Variants in OXNAD1 observed in about 807,000 individuals in gnomAD.
The protein encoded by OXNAD1 is oxidoreductase NAD binding domain containing 1, also known as oxidoreductase NAD-binding domain-containing protein 1.
In OXNAD1, 34 loss-of-function variants were observed where a neutral mutation model predicts 32.9. That is an observed-to-expected ratio of 1.03 (90% CI 0.79 to 1.38). The LOEUF is 1.38. OXNAD1 is among the 40% of genes most tolerant of loss of function. OXNAD1 has a pLI of 0.00. For synonymous variants in OXNAD1, 134 were observed against 135.2 expected, an observed-to-expected ratio of 0.99 and a Z score of 0.06; for missense variants, 407 against 379.4, an observed-to-expected ratio of 1.07 and a Z score of -0.60.
downstream of OXNAD1, among the ~76,000 whole-genome samples, chr3:16,351,295 C>T (rs2072085713): frequency 6.6e-6 from 1 of 152,144 alleles, no homozygotes; most frequent in Non-Finnish European, 1.5e-5. This position sits in a 1 kb window ranked among gnomAD's most constrained non-coding sequence, Gnocchi z 5.4. Flanking sequence ...CCATTGAGAC[C>T]AGTCAGGAGC....
At position 16,348,847 on chromosome 3, in the gene OXNAD1, C is replaced by G. The variant is rs1273223544; in HGVS notation, c.*31-329C>G. 2.0e-5 allele frequency among the ~76,000 whole-genome samples: 3 copies of G among 152,164 alleles called. No homozygotes were observed. The highest frequency in any genetic ancestry group is 4.8e-5 in the African/African-American group (2 of 41,420). ...GGAAGCAGGAGGACTGGTTTTGGTC[C>G]AATAGCCCATCATCTCTGTGTCCTG... On this transcript the variant is annotated intron_variant, in intron 9 of 9. Transcript: ENST00000606098. This position sits in a 1 kb window ranked among gnomAD's most constrained non-coding sequence, Gnocchi z 6.3.
Position 16,301,606 on chromosome 3 carries a change from T to G in OXNAD1, c.433-20T>G, listed in dbSNP as rs1320562386. ...ACCTTTGCTACAAAAGACTAAAAGG[T>G]CTTTTCTTTCCTGCCTTAGTGTACA... On this transcript the variant is annotated intron_variant, in intron 6 of 8. Transcript: ENST00000285083. This position sits in a 1 kb window ranked among gnomAD's most constrained non-coding sequence, Gnocchi z 4.1. The G allele has an allele frequency of 1.2e-6, 2 of 1,612,938 alleles. No homozygotes were observed. Among genetic ancestry groups the G allele is most frequent in the Non-Finnish European group, 1.7e-6 (2 of 1,179,348 alleles).
intron 1 of OXNAD1, among the ~76,000 whole-genome samples, chr3:16,268,432 C>T (rs1241935890): frequency 2.1e-5 from 3 of 142,588 alleles, no homozygotes; most frequent in South Asian, 4.6e-4. Flanking sequence ...CAGGTTCAAG[C>T]GATTCTCTTG....
chr3:16,328,995 A>G (rs1340361940), intron 9 of OXNAD1, among the ~76,000 whole-genome samples: 1 of 152,256 alleles, frequency 6.6e-6, no homozygotes, highest in Non-Finnish European at 1.5e-5. Context: ...TGTATCCCCC[A>G]AAAAGTTTCC....
rs750452152 is a variant in OXNAD1 at position 16,327,209 on chromosome 3, G to A, written c.*31-9903G>A. Among the ~76,000 whole-genome samples the A allele has an allele frequency of 4.6e-5, 7 of 152,166 alleles. No homozygotes were observed. Among genetic ancestry groups the A allele is most frequent in the Non-Finnish European group, 8.8e-5 (6 of 68,032 alleles). On this transcript the variant is annotated intron_variant, in intron 9 of 9. Transcript: ENST00000435829. The surrounding 1 kb of genome is among the most constrained non-coding windows in gnomAD (Gnocchi z 4.2). The stretch of plus-strand genomic sequence containing the variant: ...AAGCATAACTGTCTCACCTCTGAGC[G>A]GTATCCAGGGCATATAACTACACGT...
intron 9 of OXNAD1, among the ~76,000 whole-genome samples, chr3:16,333,782 A>T (rs2070566770): frequency 6.6e-6 from 1 of 152,234 alleles, no homozygotes; most frequent in African/African-American, 2.4e-5. Context: ...CAAATTTTAA[A>T]AGGGCCAAAG....
intron 9 of OXNAD1, among the ~76,000 whole-genome samples, chr3:16,311,884 A>G (rs1215837185): frequency 6.6e-6 from 1 of 152,234 alleles, no homozygotes; most frequent in Non-Finnish European, 1.5e-5. Context: ...GCCCTTCTGC[A>G]TTGCTGTCTT....
chr3:16,305,679 TG>T lies in OXNAD1; in HGVS notation c.*2120del, dbSNP rs2067499043. The T allele has an allele frequency of 6.6e-6, 1 of 152,238 alleles. No homozygotes were observed. Among genetic ancestry groups the T allele is most frequent in the South Asian group, 2.1e-4 (1 of 4,830 alleles). The allele number at this position is 152,238 out of a possible 1,614,324, so 9.4% of individuals were successfully genotyped here. On this transcript the variant is annotated 3_prime_UTR_variant, in exon 9 of 9. Coordinates refer to ENST00000285083, the MANE Select transcript of OXNAD1 (RefSeq NM_138381.5). This position sits in a 1 kb window ranked among gnomAD's most constrained non-coding sequence, Gnocchi z 4.5. ...TCGAAAGCCCTTGAGCCAGATTGCC[TG>T]GGTTCAGATCTCACCTATACTACTT...
downstream of OXNAD1, among the ~76,000 whole-genome samples, chr3:16,309,066 C>T (rs1016017270): frequency 4.6e-5 from 7 of 152,146 alleles, no homozygotes. Flanking sequence ...TGCTGGGTAT[C>T]CTTTTAGAAA....
intron 4 of OXNAD1, among the ~76,000 whole-genome samples, chr3:16,281,895 C>CTTTT (rs1213407558): frequency 3.8e-4 from 42 of 110,490 alleles, no homozygotes; most frequent in African/African-American, 6.1e-4. Flanking sequence ...AATAACATTT[C>CTTTT]TTTTTTTTTT....
chr3:16,342,414 C>A lies in OXNAD1; in HGVS notation c.*31-6762C>A, dbSNP rs2071377140. ...AATAATATTCCATCATATGGATATACCATAGTTTATTCATCATTTGATGAA... is the reference window on the plus strand; with the variant it reads ...AATAATATTCCATCATATGGATATAACATAGTTTATTCATCATTTGATGAA... On this transcript the variant is annotated intron_variant, in intron 9 of 9. Coordinates refer to the OXNAD1 transcript ENST00000606098. This position sits in a 1 kb window ranked among gnomAD's most constrained non-coding sequence, Gnocchi z 4.0. Among the ~76,000 whole-genome samples, 1 of 152,096 alleles carries A rather than the reference C, an allele frequency of 6.6e-6. No individual in the cohort carries two copies. The highest frequency in any genetic ancestry group is 6.5e-5 in the Admixed American group (1 of 15,280).
At position 16,313,836 on chromosome 3, in the gene OXNAD1, A is replaced by T. The variant is rs147758688; in HGVS notation, c.*30+10244A>T. ...TAACATAGATTTCCTCAGGCTTTCC[A>T]TGTGTCAGTATTTTGACCTTGTGGC... On this transcript the variant is annotated intron_variant, in intron 9 of 9. Coordinates refer to the OXNAD1 transcript ENST00000435829. 3 of 152,266 alleles carry T rather than the reference A, an allele frequency of 2.0e-5. No homozygotes were observed. The East Asian group carries it at 5.8e-4, about 29-fold the overall frequency. 9.4% of individuals were successfully genotyped at this position (152,266 alleles called of 1,614,324 possible).
chr3:16,294,285 A>G (rs758980453), intron 5 of OXNAD1, among the ~76,000 whole-genome samples: 9 of 151,128 alleles, frequency 6.0e-5, no homozygotes, highest in Non-Finnish European at 8.8e-5. Context: ...TCACTGCAAC[A>G]TCCACCTCCC....
In OXNAD1 at chr3:16,312,161, G is replaced by A. The variant is rs2068023171; in HGVS notation, c.*30+8569G>A. Among the ~76,000 whole-genome samples, 1 of 152,202 alleles carries A rather than the reference G, an allele frequency of 6.6e-6. No homozygotes were observed. The highest frequency in any genetic ancestry group is 6.5e-5 in the Admixed American group (1 of 15,278). The stretch of plus-strand genomic sequence containing the variant: ...AGGAACCTGTGGTGAACATCACTTT[G>A]CTTCCTTCTCTGGCAACAGCTGCCT... On this transcript the variant is annotated intron_variant, in intron 9 of 9. Transcript: ENST00000435829. This position sits in a 1 kb window ranked among gnomAD's most constrained non-coding sequence, Gnocchi z 4.7.
At chr3:16,340,257 T>A (rs1253732075), downstream of OXNAD1, among the ~76,000 whole-genome samples, 4 of 152,256 alleles carry the variant, frequency 2.6e-5, no homozygotes, top group Non-Finnish European at 2.9e-5. Flanking sequence ...ACAAATATGA[T>A]GCAAACCGCA....
intron 1 of OXNAD1, among the ~76,000 whole-genome samples, chr3:16,268,420 C>T (rs1019892717): frequency 2.1e-5 from 3 of 142,586 alleles, no homozygotes; most frequent in African/African-American, 5.2e-5. Context: ...ACCTCCGCCT[C>T]CCAGGTTCAA....
chr3:16,345,814 GTGTGCGCGCGCGCGTGCGCGCA>G lies in OXNAD1; in HGVS notation c.*31-3361_*31-3340del, dbSNP rs1473920680. ...TGTGTGTGTGTGTGTGTGTGTGTGT[GTGTGCGCGCGCGCGTGCGCGCA>G]CGCGCACATGTGCATGTGTATGTGT... On this transcript the variant is annotated intron_variant, in intron 9 of 9. Coordinates refer to the OXNAD1 transcript ENST00000606098. This position sits in a 1 kb window ranked among gnomAD's most constrained non-coding sequence, Gnocchi z 5.2. Among the ~76,000 whole-genome samples, 513 of 85,988 alleles carry G rather than the reference GTGTGCGCGCGCGCGTGCGCGCA, an allele frequency of 6.0e-3. 6 individuals are homozygous for G. The highest frequency in any genetic ancestry group is 9.5e-3 in the African/African-American group (131 of 13,762). 56.4% of individuals were successfully genotyped at this position (85,988 alleles called of 152,430 possible). A position where few individuals can be genotyped will look rare whatever the true frequency, so the allele number is the denominator to read the frequency against.
intron 9 of OXNAD1, among the ~76,000 whole-genome samples, chr3:16,325,639 G>C (rs775798967): frequency 2.6e-5 from 4 of 152,250 alleles, no homozygotes; most frequent in East Asian, 1.9e-4. Flanking sequence ...TATGCCTGTC[G>C]AAGTCTTGGC....
At chr3:16,267,932 T>C (rs1267858013) in intron 1 of OXNAD1, among the ~76,000 whole-genome samples, 2 of 152,244 alleles carry the variant, frequency 1.3e-5, no homozygotes, top group Non-Finnish European at 2.9e-5. Context: ...TTACTACATA[T>C]TTAATGGGTG....
Sources: allele counts gnomAD v4.1 joint callset (sites outside exome capture counted in the v4.1 genomes callset), GRCh38; gene constraint gnomAD v4.1.1; non-coding constraint Gnocchi (gnomAD v3.1); transcripts MANE v1.5; gene names NCBI Gene and HGNC (gene_info 2026-07-23, HGNC 2026-07-21).